NRG3: variants seen among roughly 807,000 people sequenced by gnomAD.
NRG3 encodes pro-neuregulin-3, membrane-bound isoform.
In NRG3, 31 loss-of-function variants were observed where a neutral mutation model predicts 66.9. The observed-to-expected ratio is 0.46, with a 90% confidence interval of 0.35 to 0.63. NRG3 has a LOEUF of 0.63. Ranked by LOEUF, NRG3 falls within the 20% of genes least tolerant of loss-of-function variation. The pLI is 0.00. For missense variants in NRG3, 910 were observed against 878.9 expected (o/e 1.04, Z -0.45); for synonymous variants, 393 against 359.4 (o/e 1.09, Z -1.06).
intron 2 of NRG3, among the ~76,000 whole-genome samples, chr10:82,656,484 A>G (rs1310833467): frequency 1.3e-5 from 2 of 152,082 alleles, no homozygotes; most frequent in Non-Finnish European, 2.9e-5. Context: ...TATCAAACAA[A>G]TTGTAGTGAA....
chr10:82,527,681 T>G (rs1475997749), intron 2 of NRG3, among the ~76,000 whole-genome samples: 1 of 152,204 alleles, frequency 6.6e-6, no homozygotes, highest in Non-Finnish European at 1.5e-5. Flanking sequence ...ATGTTTATCT[T>G]CTCTAACCCT....
intron 2 of NRG3, among the ~76,000 whole-genome samples, chr10:82,734,552 T>C (rs1188071203): frequency 1.4e-4 from 22 of 152,074 alleles, no homozygotes; most frequent in Admixed American, 1.4e-3. Context: ...CCCTCCCCAT[T>C]CCCTCCCTCC....
chr10:82,143,520 A>G (rs1163935696), intron 1 of NRG3, among the ~76,000 whole-genome samples: 1 of 152,192 alleles, frequency 6.6e-6, no homozygotes, highest in Non-Finnish European at 1.5e-5. Context: ...TTTCTTGTTT[A>G]AAAGTTGATT....
chr10:81,940,405 A>G (rs7898416), intron 1 of NRG3, among the ~76,000 whole-genome samples: 19,990 of 152,074 alleles, frequency 0.13, 2,215 homozygotes, highest in African/African-American at 0.3. Context: ...GGGGTACAAT[A>G]CATAATCATA....
intron 1 of NRG3, among the ~76,000 whole-genome samples, chr10:81,946,417 G>C (rs564925349): frequency 6.6e-6 from 1 of 152,238 alleles, no homozygotes; most frequent in South Asian, 2.1e-4. Context: ...AACTAATATA[G>C]ATGGTGGTTT....
chr10:82,888,675 T>C (rs1328527432), intron 4 of NRG3, among the ~76,000 whole-genome samples: 1 of 152,146 alleles, frequency 6.6e-6, no homozygotes, highest in Non-Finnish European at 1.5e-5. Context: ...GTGGAGCTAA[T>C]ATTCTAGCAG....
chr10:82,466,580 A>G (rs1840699967), intron 2 of NRG3, among the ~76,000 whole-genome samples: 1 of 152,184 alleles, frequency 6.6e-6, no homozygotes, highest in African/African-American at 2.4e-5. Flanking sequence ...AGCTGGAAGA[A>G]GACTGGTAAA....
intron 2 of NRG3, among the ~76,000 whole-genome samples, chr10:82,547,379 A>C (rs2043986742): frequency 6.6e-6 from 1 of 151,248 alleles, no homozygotes; most frequent in Non-Finnish European, 1.5e-5. Context: ...CTATCTATAT[A>C]TGTATGTATA....
intron 1 of NRG3, among the ~76,000 whole-genome samples, chr10:82,132,516 G>GAGATATATGAT: frequency 8.4e-5 from 1 of 11,842 alleles, no homozygotes. Flanking sequence ...ATATATATAT[G>GAGATATATGAT]ATATATATGA....
chr10:82,522,039 C>CTTTTTTT (rs71009811), intron 2 of NRG3, among the ~76,000 whole-genome samples: 2 of 97,746 alleles, frequency 2.0e-5, no homozygotes, highest in Non-Finnish European at 4.1e-5. Flanking sequence ...CCGCTGAAGT[C>CTTTTTTT]TTTTTTTTTT....
At chr10:82,274,981 T>C (rs2078770638) in intron 1 of NRG3, among the ~76,000 whole-genome samples, 1 of 152,070 alleles carries the variant, frequency 6.6e-6, no homozygotes. Flanking sequence ...CTCAGTTTTC[T>C]TGGACTGCTA....
chr10:82,547,479 A>G (rs973639600), intron 2 of NRG3, among the ~76,000 whole-genome samples: 9 of 146,728 alleles, frequency 6.1e-5, no homozygotes, highest in African/African-American at 2.3e-4. Flanking sequence ...ATGTATATAT[A>G]TTCCAGTATA....
rs2059852113 is a variant in NRG3, at chr10:82,774,901, C to A, written c.1027+36251C>A. ...AATGTGGCATGATCTCAGCTCACTG[C>A]AACCTCTGCCTCCTGGTTTCAAGCG... On this transcript the variant is annotated intron_variant, in intron 3 of 8. Coordinates refer to ENST00000372141, the MANE Select transcript of NRG3 (RefSeq NM_001010848.4). Among the ~76,000 whole-genome samples, 3 of 141,800 alleles carry A rather than the reference C, an allele frequency of 2.1e-5. 1 individual carries two copies. In the South Asian group the frequency reaches 6.6e-4, roughly 31 times the overall value. 93.0% of individuals were successfully genotyped at this position (141,800 alleles called of 152,430 possible). A position where few individuals can be genotyped will look rare whatever the true frequency, so the allele number is the denominator to read the frequency against.
chr10:82,921,440 A>G (rs771796352), intron 4 of NRG3, among the ~76,000 whole-genome samples: 1 of 152,310 alleles, frequency 6.6e-6, no homozygotes, highest in Non-Finnish European at 1.5e-5. Flanking sequence ...TGAATGAAGT[A>G]TAGACTTTAG....
chr10:81,994,880 A>G (rs1319851260), intron 1 of NRG3, among the ~76,000 whole-genome samples: 2 of 152,092 alleles, frequency 1.3e-5, no homozygotes, highest in Non-Finnish European at 2.9e-5. Context: ...TCATAAATCT[A>G]TTTTTATGGT....
intron 2 of NRG3, among the ~76,000 whole-genome samples, chr10:82,513,365 A>G (rs986947459): frequency 2.0e-5 from 3 of 152,186 alleles, no homozygotes; most frequent in African/African-American, 7.2e-5. Context: ...ATTGATGGGC[A>G]TTTAGGTTGA....
intron 2 of NRG3, among the ~76,000 whole-genome samples, chr10:82,360,667 A>G (rs886388777): frequency 6.6e-6 from 1 of 152,332 alleles, no homozygotes; most frequent in East Asian, 1.9e-4. Context: ...ACAAAGTGCT[A>G]CAGACTGGGT....
At chr10:82,377,599 G>C (rs972752454) in intron 2 of NRG3, among the ~76,000 whole-genome samples, 2 of 152,168 alleles carry the variant, frequency 1.3e-5, no homozygotes, top group Admixed American at 1.3e-4. Flanking sequence ...TTTGAGAAGA[G>C]CAGTGACCTT....
chr10:82,449,678 C>T (rs1308076886), intron 2 of NRG3, among the ~76,000 whole-genome samples: 2 of 152,198 alleles, frequency 1.3e-5, no homozygotes, highest in Non-Finnish European at 2.9e-5. Context: ...ATCTTCAGCA[C>T]ATCAGGACCT....
Sources: gnomAD v4.1 joint callset for allele counts (sites outside exome capture counted in the v4.1 genomes callset) on GRCh38, gnomAD v4.1.1 for gene constraint, MANE v1.5 for transcripts, NCBI Gene and HGNC (gene_info 2026-07-23, HGNC 2026-07-21) for gene names.